TMEM135: variants seen among roughly 807,000 people sequenced by gnomAD.
TMEM135 encodes the protein peroxisomal membrane protein 52.
In TMEM135, 30 loss-of-function variants were observed where a neutral mutation model predicts 60.3. The ratio of observed to expected loss-of-function variants is 0.50; its 90% confidence interval spans 0.37 to 0.68. The LOEUF is 0.68. TMEM135 is among the 30% of genes least tolerant of loss of function. TMEM135 has a pLI of 0.00. For missense variants in TMEM135, 468 were observed against 548.8 expected (o/e 0.85, Z 1.47); for synonymous variants, 190 against 186.7 (o/e 1.02, Z -0.14).
chr11:87,229,123 C>T (rs1448820846), intron 5 of TMEM135, among the ~76,000 whole-genome samples: 1 of 152,052 alleles, frequency 6.6e-6, no homozygotes, highest in East Asian at 1.9e-4. Context: ...TTTCTGTACC[C>T]TCATGTTATA....
intron 4 of TMEM135, among the ~76,000 whole-genome samples, chr11:87,126,334 T>C (rs1937727633): frequency 6.6e-6 from 1 of 152,154 alleles, no homozygotes; most frequent in East Asian, 1.9e-4. Flanking sequence ...TGTATATTTA[T>C]ATGTATAAAA....
At chr11:87,190,899 G>T (rs1021533860) in intron 5 of TMEM135, among the ~76,000 whole-genome samples, 1 of 152,048 alleles carries the variant, frequency 6.6e-6, no homozygotes, top group Non-Finnish European at 1.5e-5. Flanking sequence ...CCAGTTTTTG[G>T]ATAATATGTA....
At chr11:87,306,715 G>GT (rs572616754) in intron 9 of TMEM135, among the ~76,000 whole-genome samples, 10 of 151,178 alleles carry the variant, frequency 6.6e-5, no homozygotes, top group South Asian at 4.2e-4. Context: ...AAGTTCTTTA[G>GT]TTTTTTTTTC....
At chr11:87,308,803 A>G (rs928947370) in intron 9 of TMEM135, among the ~76,000 whole-genome samples, 4 of 152,200 alleles carry the variant, frequency 2.6e-5, no homozygotes, top group Non-Finnish European at 5.9e-5. Flanking sequence ...ATCCTCTCCA[A>G]ATCTCTTTTG....
chr11:87,062,416 A>AC (rs1207147759), intron 1 of TMEM135, among the ~76,000 whole-genome samples: 1 of 616 alleles, frequency 1.6e-3, no homozygotes, highest in Non-Finnish European at 2.2e-3. Context: ...TTTCCCCCCA[A>AC]GCCCCCCCCC....
intron 4 of TMEM135, among the ~76,000 whole-genome samples, chr11:87,153,289 G>A (rs1938606259): frequency 6.6e-6 from 1 of 152,092 alleles, no homozygotes; most frequent in Non-Finnish European, 1.5e-5. Flanking sequence ...AGCCCCACTG[G>A]CCATCTTATT....
chr11:87,122,437 ATATT>A (rs1555106784), intron 4 of TMEM135, among the ~76,000 whole-genome samples: 12 of 144,944 alleles, frequency 8.3e-5, no homozygotes, highest in South Asian at 2.2e-4. Flanking sequence ...TTTAGTTTTT[ATATT>A]TATTTATTTA....
intron 4 of TMEM135, chr11:87,096,109 C>CATATATATAAAAAAAT: frequency 3.7e-6 from 1 of 271,882 alleles, no homozygotes; most frequent in African/African-American, 2.3e-5. Context: ...TCTCCTTCAC[C>CATATATATAAAAAAAT]AATATAAAGA....
chr11:87,163,181 TC>T (rs1383304307), intron 5 of TMEM135, among the ~76,000 whole-genome samples: 2 of 100,992 alleles, frequency 2.0e-5, no homozygotes, highest in East Asian at 3.7e-4. Context: ...ATGCTATCCC[TC>T]CCCCCTCCCC....
At chr11:87,203,622 G>C (rs115735568) in intron 5 of TMEM135, among the ~76,000 whole-genome samples, 1 of 151,980 alleles carries the variant, frequency 6.6e-6, no homozygotes, top group East Asian at 1.9e-4. Flanking sequence ...AGAACATCTC[G>C]GTTGCTTCTA....
chr11:87,324,039 C>A lies in TMEM135; in HGVS notation c.*2706C>A, dbSNP rs1173651809. The A allele has an allele frequency of 2.2e-6, 1 of 453,948 alleles. No homozygotes were observed. 28.1% of individuals were successfully genotyped at this position (453,948 alleles called of 1,614,324 possible). Reference sequence around the variant, plus strand: ...GATTTTATAATGAACTTTTATTAGACTGAACATGTATGTTTTTGATGGAAT... The same window carrying A: ...GATTTTATAATGAACTTTTATTAGAATGAACATGTATGTTTTTGATGGAAT... On this transcript the variant is annotated 3_prime_UTR_variant, in exon 15 of 15. Coordinates refer to ENST00000305494, the MANE Select transcript of TMEM135 (RefSeq NM_022918.4).
chr11:87,086,553 T>A (rs530245089), intron 3 of TMEM135, among the ~76,000 whole-genome samples: 1 of 151,972 alleles, frequency 6.6e-6, no homozygotes, highest in East Asian at 1.9e-4. Flanking sequence ...CCCCACAGTT[T>A]GGTGTTTTTT....
At chr11:87,194,914 TTTC>T (rs1939899647) in intron 5 of TMEM135, among the ~76,000 whole-genome samples, 1 of 152,224 alleles carries the variant, frequency 6.6e-6, no homozygotes, top group Admixed American at 6.5e-5. Flanking sequence ...TGAATTATAT[TTTC>T]TTACTAAAAT....
intron 1 of TMEM135, among the ~76,000 whole-genome samples, chr11:87,046,356 G>A (rs1949796209): frequency 1.3e-5 from 2 of 151,064 alleles, no homozygotes; most frequent in Admixed American, 6.6e-5. Context: ...CCCAGCCTGG[G>A]AGACGGAGCG....
At chr11:87,105,746 T>C (rs963112438) in intron 4 of TMEM135, among the ~76,000 whole-genome samples, 2 of 152,198 alleles carry the variant, frequency 1.3e-5, no homozygotes, top group East Asian at 3.8e-4. Context: ...GTTGAGAACA[T>C]TTTTCCTTTT....
intron 6 of TMEM135, among the ~76,000 whole-genome samples, chr11:87,252,136 C>T (rs1229940438): frequency 1.3e-5 from 2 of 152,088 alleles, no homozygotes; most frequent in Non-Finnish European, 2.9e-5. Context: ...TGTCCCCTTC[C>T]TACCCTCCTT....
chr11:87,054,694 G>A (rs372764626), intron 1 of TMEM135, among the ~76,000 whole-genome samples: 1 of 152,116 alleles, frequency 6.6e-6, no homozygotes, highest in South Asian at 2.1e-4. Context: ...ATCCACTTTG[G>A]GAGTTTCCTT....
chr11:87,207,471 G>A (rs542841165), intron 5 of TMEM135, among the ~76,000 whole-genome samples: 1 of 152,132 alleles, frequency 6.6e-6, no homozygotes, highest in African/African-American at 2.4e-5. Flanking sequence ...CGTATTTCCA[G>A]TTTAACAATT....
chr11:87,266,196 G>A (rs564052278), intron 6 of TMEM135, among the ~76,000 whole-genome samples: 1 of 152,090 alleles, frequency 6.6e-6, no homozygotes, highest in Non-Finnish European at 1.5e-5. Flanking sequence ...CAACTGGAAA[G>A]TTTTGTGTCT....
Sources: allele counts gnomAD v4.1 joint callset (sites outside exome capture counted in the v4.1 genomes callset), GRCh38; gene constraint gnomAD v4.1.1; transcripts MANE v1.5; gene names NCBI Gene and HGNC (gene_info 2026-07-23, HGNC 2026-07-21).